PTK2B: variants seen among roughly 807,000 people sequenced by gnomAD.
PTK2B encodes protein-tyrosine kinase 2-beta.
In PTK2B, 71 loss-of-function variants were observed where a neutral mutation model predicts 142.9. The ratio of observed to expected loss-of-function variants is 0.50; its 90% CI spans 0.41 to 0.61. The LOEUF (loss-of-function observed/expected upper bound fraction) is 0.61. Ranked by LOEUF, PTK2B falls within the 20% of genes least tolerant of loss-of-function variation. The pLI, the probability that PTK2B is intolerant of heterozygous loss-of-function variation, is 0.00. For missense variants in PTK2B, 1,105 were observed against 1,320.4 expected (o/e 0.84, Z 2.53); for synonymous variants, 519 against 503.4 (o/e 1.03, Z -0.42).
intron 5 of PTK2B, among the ~76,000 whole-genome samples, chr8:27,428,379 T>C (rs1430869652): frequency 6.6e-6 from 1 of 152,248 alleles, no homozygotes; most frequent in African/African-American, 2.4e-5. Context: ...ATCATTCCTA[T>C]CTGCCAGTCT....
intron 27 of PTK2B, chr8:27,452,866 C>T (rs1453733124): frequency 3.6e-6 from 2 of 562,396 alleles, no homozygotes; most frequent in Non-Finnish European, 3.2e-6. Context: ...GGCACCACTG[C>T]AATCCCCCCA....
chr8:27,432,401 G>A (rs769379468), intron 10 of PTK2B, 40 bp downstream of exon 10: 1 of 1,588,078 alleles, frequency 6.3e-7, no homozygotes, highest in Non-Finnish European at 8.6e-7. Flanking sequence ...CAGCTCTGCA[G>A]GGGGTATAAT....
chr8:27,431,377 T>C (rs988273291), intron 8 of PTK2B, 21 bp from the exon 9 acceptor site: 2 of 1,614,202 alleles, frequency 1.2e-6, no homozygotes, highest in Non-Finnish European at 1.7e-6. Context: ...GGAACAACAG[T>C]CCACTCTCCT....
At chr8:27,350,141 G>C (rs185639559) in intron 1 of PTK2B, among the ~76,000 whole-genome samples, 1 of 152,342 alleles carries the variant, frequency 6.6e-6, no homozygotes, top group East Asian at 1.9e-4. Context: ...GTAGGTGTTT[G>C]AAGTTTATGT....
chr8:27,311,045 G>C (rs559446313), upstream of PTK2B: 1 of 1,599,560 alleles, frequency 6.3e-7, no homozygotes, highest in Non-Finnish European at 8.5e-7. Context: ...GGCGGGTGAC[G>C]CGCGGTCTTT....
At chr8:27,387,449 A>T (rs1807436602) in intron 1 of PTK2B, among the ~76,000 whole-genome samples, 1 of 152,224 alleles carries the variant, frequency 6.6e-6, no homozygotes, top group African/African-American at 2.4e-5. Flanking sequence ...AGTCAGATCC[A>T]TCTTTCACGG....
At chr8:27,323,840 TCAA>T (rs1300705564), upstream of PTK2B, among the ~76,000 whole-genome samples, 1 of 152,156 alleles carries the variant, frequency 6.6e-6, no homozygotes. Flanking sequence ...GCTGAAGAAT[TCAA>T]CAACCTCTGA....
At chr8:27,377,416 G>A (rs17057060) in intron 1 of PTK2B, among the ~76,000 whole-genome samples, 1,866 of 152,296 alleles carry the variant, frequency 0.012, 34 homozygotes, top group African/African-American at 0.043. Context: ...ATTCAGGGAG[G>A]TAACAGGATT....
At chr8:27,332,072 G>T (rs551877869) in intron 1 of PTK2B, among the ~76,000 whole-genome samples, 1 of 152,210 alleles carries the variant, frequency 6.6e-6, no homozygotes, top group Admixed American at 6.5e-5. Context: ...GGCAGACAGC[G>T]GTGCCAACCA....
intron 30 of PTK2B, among the ~76,000 whole-genome samples, chr8:27,456,488 A>G (rs1586372339): frequency 6.6e-6 from 1 of 152,144 alleles, no homozygotes; most frequent in Non-Finnish European, 1.5e-5. Flanking sequence ...GTGTGTTCTG[A>G]CTGCTCCTCC....
chr8:27,368,407 A>C (rs1158453944), intron 1 of PTK2B, among the ~76,000 whole-genome samples: 2 of 151,490 alleles, frequency 1.3e-5, no homozygotes, highest in African/African-American at 4.9e-5. Context: ...CTACCTCACC[A>C]AATTCCCCTT....
intron 20 of PTK2B, 96 bp downstream of exon 20, chr8:27,439,494 C>T: frequency 1.5e-6 from 2 of 1,299,082 alleles, no homozygotes; most frequent in Non-Finnish European, 2.2e-6. Flanking sequence ...GTCTGACCTC[C>T]ACCCTCCGTT....
intron 5 of PTK2B, among the ~76,000 whole-genome samples, chr8:27,429,350 G>A (rs752289642): frequency 2.6e-5 from 4 of 152,202 alleles, no homozygotes; most frequent in Non-Finnish European, 5.9e-5. Context: ...AAGGAACACT[G>A]AATGACTTTA....
At chr8:27,401,589 C>T (rs76735817) in intron 2 of PTK2B, among the ~76,000 whole-genome samples, 1,878 of 152,236 alleles carry the variant, frequency 0.012, 20 homozygotes, top group Middle Eastern at 0.041. Context: ...GTGTAAAAGT[C>T]CTGAAGTGGG....
intron 15 of PTK2B, among the ~76,000 whole-genome samples, chr8:27,436,784 T>C (rs375812747): frequency 3.3e-5 from 5 of 152,048 alleles, no homozygotes; most frequent in African/African-American, 1.2e-4. Flanking sequence ...AATCCAATGA[T>C]AGAGAAAGGC....
upstream of PTK2B, chr8:27,310,715 C>A (rs1435406959): frequency 3.3e-5 from 47 of 1,421,586 alleles, no homozygotes; most frequent in East Asian, 1.1e-3. Context: ...TGGGCTCTGG[C>A]AGGCAGGAGG....
At chr8:27,383,436 G>A (rs543822718) in intron 1 of PTK2B, among the ~76,000 whole-genome samples, 10 of 152,166 alleles carry the variant, frequency 6.6e-5, no homozygotes, top group African/African-American at 2.4e-4. Context: ...AGTAGAGACG[G>A]GGTGTCACCA....
intron 27 of PTK2B, 26 bp from the exon 28 acceptor site, chr8:27,453,088 C>T: frequency 1.2e-6 from 2 of 1,613,256 alleles, no homozygotes; most frequent in East Asian, 2.2e-5. Flanking sequence ...AGAACTGCCC[C>T]CCACTTGCTG....
intron 1 of PTK2B, among the ~76,000 whole-genome samples, chr8:27,337,832 A>G (rs1276980513): frequency 1.3e-5 from 2 of 152,118 alleles, no homozygotes; most frequent in East Asian, 1.9e-4. Context: ...AAACATTCAC[A>G]TACAAGTTTT....
Sources: gnomAD v4.1 joint callset for allele counts (sites outside exome capture counted in the v4.1 genomes callset) on GRCh38, gnomAD v4.1.1 for gene constraint, MANE v1.5 for transcripts, NCBI Gene and HGNC (gene_info 2026-07-23, HGNC 2026-07-21) for gene names.